MAPKAPK5: variants seen among roughly 807,000 people sequenced by gnomAD.
MAPKAPK5 encodes MAPK activated protein kinase 5, also known as MAP kinase-activated protein kinase 5.
A neutral mutation model predicts 65.1 loss-of-function variants in MAPKAPK5; 30 were observed. The observed-to-expected ratio is 0.46, with a 90% CI of 0.34 to 0.63. The LOEUF is 0.63. Among genes scored for constraint, MAPKAPK5 ranks in the 20% least tolerant of loss-of-function variants. The pLI is 0.01. For missense variants in MAPKAPK5, 433 were observed against 581.4 expected, an observed-to-expected ratio of 0.74 and a Z score of 2.63; for synonymous variants, 179 against 204.6, an observed-to-expected ratio of 0.87 and a Z score of 1.07.
In MAPKAPK5 at chr12:111,900,390, C is replaced by T. The variant is rs2070990973; in HGVS notation, c.*7329C>T. On this transcript the variant is annotated 3_prime_UTR_variant, in exon 14 of 14. Transcript: ENST00000550735. Reference sequence around the variant, plus strand: ...GCTCGGGCACAACCTGGGTATTCAGCACGACCACTCGGCCTGCTTTTGTAA... The same window carrying T: ...GCTCGGGCACAACCTGGGTATTCAGTACGACCACTCGGCCTGCTTTTGTAA... The T allele has an allele frequency of 2.2e-6, 1 of 455,964 alleles. No individual in the cohort carries two copies. Among genetic ancestry groups the T allele is most frequent in the Non-Finnish European group, 4.4e-6 (1 of 226,802 alleles). 28.2% of individuals were successfully genotyped at this position (455,964 alleles called of 1,614,324 possible).
intron 1 of MAPKAPK5, among the ~76,000 whole-genome samples, chr12:111,852,070 G>C (rs191266522): frequency 6.6e-6 from 1 of 152,316 alleles, no homozygotes; most frequent in Admixed American, 6.5e-5. Context: ...CAATTTGCCA[G>C]AAGGGTTCCA....
chr12:111,900,581 T>G lies in MAPKAPK5; in HGVS notation c.*7520T>G, dbSNP rs1393853353. 1 of 456,112 alleles carries G rather than the reference T, an allele frequency of 2.2e-6. No individual in the cohort carries two copies. The highest frequency in any genetic ancestry group is 2.0e-5 in the African/African-American group (1 of 50,194). The allele number at this position is 456,112 out of a possible 1,614,324, so 28.3% of individuals were successfully genotyped here. ...AGCGTAGGGATTCTGCCTGTGGAAATGGTGTGGTGGAGGACACGGAGCAGT... is the reference window on the plus strand; with the variant it reads ...AGCGTAGGGATTCTGCCTGTGGAAAGGGTGTGGTGGAGGACACGGAGCAGT... On this transcript the variant is annotated 3_prime_UTR_variant, in exon 14 of 14. Coordinates refer to ENST00000550735, the MANE Select transcript of MAPKAPK5 (RefSeq NM_003668.4).
At chr12:111,879,160 C>T (rs2070103603) in intron 7 of MAPKAPK5, among the ~76,000 whole-genome samples, 1 of 152,134 alleles carries the variant, frequency 6.6e-6, no homozygotes, top group African/African-American at 2.4e-5. Context: ...AGCTGTATCA[C>T]TCCATTCATG....
chr12:111,849,839 C>T (rs2069017706), intron 1 of MAPKAPK5, among the ~76,000 whole-genome samples: 1 of 151,998 alleles, frequency 6.6e-6, no homozygotes, highest in Non-Finnish European at 1.5e-5. Flanking sequence ...TCCTCAGCCT[C>T]CTGAGTAGCT....
chr12:111,862,001 C>T (rs941873521), intron 1 of MAPKAPK5, among the ~76,000 whole-genome samples: 37 of 152,220 alleles, frequency 2.4e-4, no homozygotes, highest in African/African-American at 8.9e-4. Context: ...ACAACCCAGC[C>T]TTTGCATTTG....
chr12:111,878,576 C>T lies in MAPKAPK5; in HGVS notation c.580-1871C>T, dbSNP rs865987684. On this transcript the variant is annotated intron_variant, in intron 7 of 13. Coordinates refer to ENST00000550735, the MANE Select transcript of MAPKAPK5 (RefSeq NM_003668.4). ...CAGGGATTACAGGCACCTGCCACTA[C>T]GCCCGGATAATTTTTTGTATTTTTA... Among the ~76,000 whole-genome samples the T allele has an allele frequency of 1.3e-4, 20 of 152,026 alleles. No homozygotes were observed. The South Asian group carries it at 1.5e-3, about 11-fold the overall frequency.
chr12:111,888,192 TC>T lies in MAPKAPK5; in HGVS notation c.970-292del, dbSNP rs1952194097. On this transcript the variant is annotated intron_variant, in intron 10 of 13. Coordinates refer to ENST00000550735, the MANE Select transcript of MAPKAPK5 (RefSeq NM_003668.4). ...ATGTCCATATGTGCCTCTTTACACT[TC>T]CCCTCAGTAGTGGCTTTGAGTGGGG... is the stretch of plus-strand genomic sequence containing the variant. 1.3e-5 allele frequency: 4 copies of T among 314,886 alleles called. No individual in the cohort carries two copies. The Admixed American group carries it at 1.9e-4, about 15-fold the overall frequency. The allele number at this position is 314,886 out of a possible 1,614,324, so 19.5% of individuals were successfully genotyped here.
intron 1 of MAPKAPK5, 129 bp from the exon 2 acceptor site, chr12:111,865,121 G>A (rs2069558523): frequency 1.6e-6 from 1 of 617,694 alleles, no homozygotes; most frequent in Non-Finnish European, 2.9e-6. Context: ...AGAACACAAA[G>A]TTCTGCTTAT....
At position 111,867,683 on chromosome 12, in the gene MAPKAPK5, G is replaced by A. The variant is rs545219794; in HGVS notation, c.284+14G>A. On this transcript the variant is annotated intron_variant, in intron 4 of 13. Transcript: ENST00000550735. The stretch of plus-strand genomic sequence containing the variant: ...GTCCAGCCCTAGGTAAGACTACACA[G>A]TGTCATCATCAAATGCCCACATGTA... 3 of 1,597,538 alleles carry A rather than the reference G, an allele frequency of 1.9e-6. No individual in the cohort carries two copies. Among genetic ancestry groups the A allele is most frequent in the Admixed American group, 1.7e-5 (1 of 59,980 alleles).
rs367573915 is a variant in MAPKAPK5 at position 111,888,515 on chromosome 12, C to T, written c.997C>T (p.His333Tyr). ...KAVVAGIQQAHAEQLANMRIQ... is the reference protein window; with the variant it reads ...KAVVAGIQQAYAEQLANMRIQ... ...AGTGGTTGCAGGAATCCAGCAGGCT[C>T]ACGCGGAACAGTTGGCCAACATGAG... The change falls in exon 11 of 14, where the codon CAC becomes TAC. Residue 333 changes from histidine to tyrosine, a missense_variant. Around this residue, in one of 3 missense-constraint regions of MAPKAPK5, gnomAD observed 169 missense variants for 215.6 expected, o/e 0.78. Transcript: ENST00000550735. 8 of 1,613,846 alleles carry T rather than the reference C, an allele frequency of 5.0e-6. No homozygotes were observed. The African/African-American group carries it at 9.3e-5, about 19-fold the overall frequency.
At chr12:111,891,987 C>G (rs996045460) in intron 13 of MAPKAPK5, among the ~76,000 whole-genome samples, 1 of 152,084 alleles carries the variant, frequency 6.6e-6, no homozygotes, top group South Asian at 2.1e-4. Flanking sequence ...CAAAGGTAAT[C>G]ACAGTCCTGA....
chr12:111,880,317 T>C lies in MAPKAPK5; in HGVS notation c.580-130T>C, dbSNP rs1309003854. 5 of 730,554 alleles carry C rather than the reference T, an allele frequency of 6.8e-6. No homozygotes were observed. The East Asian group carries it at 1.0e-4, about 15-fold the overall frequency. The allele number at this position is 730,554 out of a possible 1,614,324, so 45.3% of individuals were successfully genotyped here. Reference sequence around the variant, plus strand: ...AACGTTTTTGGAAGTGTAGTGTTTATGTGGAGTTTTTTTTCGATGGCTGAT... The same window carrying C: ...AACGTTTTTGGAAGTGTAGTGTTTACGTGGAGTTTTTTTTCGATGGCTGAT... On this transcript the variant is annotated intron_variant, in intron 7 of 13. Coordinates refer to ENST00000550735, the MANE Select transcript of MAPKAPK5 (RefSeq NM_003668.4).
At chr12:111,842,921 C>T (rs1170835167) in intron 1 of MAPKAPK5, 152 bp downstream of exon 1, 11 of 669,648 alleles carry the variant, frequency 1.6e-5, no homozygotes, top group Admixed American at 4.4e-5. Context: ...CTTTACAGCC[C>T]TGGGGCCAAG....
At position 111,901,983 on chromosome 12, in the gene MAPKAPK5, T is replaced by C. The variant is rs2071082314; in HGVS notation, c.*8922T>C. ...CAATGTCCTTGTCTTTTTGGCCCAA[T>C]TGTTTTAGTCACCAGAAACTTTTTC... On this transcript the variant is annotated 3_prime_UTR_variant, in exon 14 of 14. Transcript: ENST00000550735. 2 of 152,610 alleles carry C rather than the reference T, an allele frequency of 1.3e-5. No homozygotes were observed. The highest frequency in any genetic ancestry group is 2.4e-5 in the African/African-American group (1 of 41,476). The allele number at this position is 152,610 out of a possible 1,614,324, so 9.5% of individuals were successfully genotyped here.
intron 1 of MAPKAPK5, among the ~76,000 whole-genome samples, chr12:111,852,948 A>G (rs2069130064): frequency 6.6e-6 from 1 of 151,732 alleles, no homozygotes; most frequent in Non-Finnish European, 1.5e-5. Flanking sequence ...TAATTTTTGT[A>G]TTTTCAATAG....
Position 111,900,888 on chromosome 12 carries a change from C to A in MAPKAPK5, c.*7827C>A. 1 of 455,910 alleles carries A rather than the reference C, an allele frequency of 2.2e-6. No homozygotes were observed. The highest frequency in any genetic ancestry group is 4.4e-6 in the Non-Finnish European group (1 of 226,796). 28.2% of individuals were successfully genotyped at this position (455,910 alleles called of 1,614,324 possible). A position where few individuals can be genotyped will look rare whatever the true frequency, so the allele number is the denominator to read the frequency against. ...TATGGACCCTAATAATCAGTGCTTA[C>A]AATTATATGGATATGGTGCAAAATC... is the stretch of plus-strand genomic sequence containing the variant. On this transcript the variant is annotated 3_prime_UTR_variant, in exon 14 of 14. Transcript: ENST00000550735.
chr12:111,842,719 G>T lies in MAPKAPK5; in HGVS notation c.-15G>T. 1 of 1,375,144 alleles carries T rather than the reference G, an allele frequency of 7.3e-7. No individual in the cohort carries two copies. Among genetic ancestry groups the T allele is most frequent in the East Asian group, 2.8e-5 (1 of 36,176 alleles). 85.2% of individuals were successfully genotyped at this position (1,375,144 alleles called of 1,614,324 possible). On this transcript the variant is annotated 5_prime_UTR_variant, in exon 1 of 14. Transcript: ENST00000550735. ...GCAGCCTCCGCCTCTCCCGGCTGTGGGGGCCCCACTGAGTATGTCGGAGGA... is the reference window on the plus strand; with the variant it reads ...GCAGCCTCCGCCTCTCCCGGCTGTGTGGGCCCCACTGAGTATGTCGGAGGA...
chr12:111,878,961 C>T (rs1471070309), intron 7 of MAPKAPK5, among the ~76,000 whole-genome samples: 1 of 152,150 alleles, frequency 6.6e-6, no homozygotes, highest in Non-Finnish European at 1.5e-5. Context: ...GGCCCTCCAC[C>T]TTTGTTCTTC....
rs915983481 is a variant in MAPKAPK5, at chr12:111,901,333, C to T, written c.*8272C>T. On this transcript the variant is annotated 3_prime_UTR_variant, in exon 14 of 14. Transcript: ENST00000550735. ...CACTGTAATGAAGGGCATGCCCCCC[C>T]TGACTGTGTTACTGCAGGAAGTGGA... 6.6e-6 allele frequency: 3 copies of T among 456,010 alleles called. No individual in the cohort carries two copies. Among genetic ancestry groups the T allele is most frequent in the Non-Finnish European group, 1.3e-5 (3 of 226,790 alleles). The allele number at this position is 456,010 out of a possible 1,614,324, so 28.2% of individuals were successfully genotyped here.
Sources: gnomAD v4.1 joint callset for allele counts (sites outside exome capture counted in the v4.1 genomes callset) on GRCh38, gnomAD v4.1.1 for gene constraint, gnomAD v4.1.1 regional missense constraint, MANE v1.5 for transcripts, NCBI Gene and HGNC (gene_info 2026-07-23, HGNC 2026-07-21) for gene names.